The following CCDC15 variants were observed in gnomAD, a reference collection of about 807,000 sequenced individuals.
The protein encoded by CCDC15 is coiled-coil domain-containing protein 15.
In CCDC15, 105 loss-of-function variants were observed where a neutral mutation model predicts 114.5. The ratio of observed to expected loss-of-function variants is 0.92; its 90% CI spans 0.78 to 1.08. The LOEUF (loss-of-function observed/expected upper bound fraction) is 1.08, where lower values mean the gene tolerates loss of function less well. Ranked by LOEUF, CCDC15 falls within the 50% of genes least tolerant of loss-of-function variation. The pLI is 0.00. For missense variants in CCDC15, 1,105 were observed against 1,093.6 expected (o/e 1.01, Z -0.15); for synonymous variants, 334 against 377.8 (o/e 0.88, Z 1.34).
chr11:125,040,273 G>T (rs1948807037), intron 15 of CCDC15, among the ~76,000 whole-genome samples: 1 of 144,836 alleles, frequency 6.9e-6, no homozygotes, highest in South Asian at 2.2e-4. Flanking sequence ...CTGACCTCAA[G>T]TGATCCGCCT....
intron 6 of CCDC15, 147 bp from the exon 7 acceptor site, chr11:124,986,595 A>AT: frequency 1.2e-6 from 1 of 820,354 alleles, no homozygotes; most frequent in Non-Finnish European, 1.8e-6. Context: ...TACTAAAATT[A>AT]TAATAGCAGT....
intron 2 of CCDC15, among the ~76,000 whole-genome samples, chr11:124,955,737 A>G (rs1947537083): frequency 6.6e-6 from 1 of 152,224 alleles, no homozygotes; most frequent in Non-Finnish European, 1.5e-5. Flanking sequence ...AAGAGAAATG[A>G]GATGTGTTTA....
chr11:124,955,843 A>G (rs914628310), intron 2 of CCDC15, among the ~76,000 whole-genome samples: 8 of 152,302 alleles, frequency 5.3e-5, no homozygotes, highest in Admixed American at 5.2e-4. Flanking sequence ...CCTATTTCCA[A>G]AAAGGATTTT....
rs147713265 is a variant in CCDC15 at position 124,962,039 on chromosome 11, CT to C, written c.516+2046del. Among the ~76,000 whole-genome samples, 696 of 149,222 alleles carry C rather than the reference CT, an allele frequency of 4.7e-3. 5 individuals are homozygous for C. Among genetic ancestry groups the C allele is most frequent in the African/African-American group, 0.016 (655 of 40,786 alleles). On this transcript the variant is annotated intron_variant, in intron 4 of 15. Coordinates refer to ENST00000344762, the MANE Select transcript of CCDC15 (RefSeq NM_025004.3). The stretch of plus-strand genomic sequence containing the variant: ...TTAAAGTTTTTATAATACCCCCACA[CT>C]TTTTTTTTTAAAAGGACATGAACTA...
intron 11 of CCDC15, among the ~76,000 whole-genome samples, chr11:124,994,738 A>C (rs1207471008): frequency 6.6e-6 from 1 of 152,168 alleles, no homozygotes; most frequent in Non-Finnish European, 1.5e-5. Context: ...CATTGAGTTA[A>C]GATCTGTAGT....
At chr11:124,974,341 G>A (rs2135456877) in intron 4 of CCDC15, among the ~76,000 whole-genome samples, 1 of 152,244 alleles carries the variant, frequency 6.6e-6, no homozygotes, top group Non-Finnish European at 1.5e-5. Context: ...GATATTCTTT[G>A]CAAATTTGTG....
chr11:125,032,437 A>C (rs1948746102), intron 13 of CCDC15, among the ~76,000 whole-genome samples: 1 of 152,198 alleles, frequency 6.6e-6, no homozygotes. Context: ...CTGCAGTTGA[A>C]GTCACCACTT....
intron 6 of CCDC15, among the ~76,000 whole-genome samples, chr11:124,983,316 T>A (rs1314035174): frequency 6.6e-6 from 1 of 152,186 alleles, no homozygotes; most frequent in African/African-American, 2.4e-5. Flanking sequence ...AGTTAAGAAT[T>A]ATTGTTGGGG....
chr11:125,013,003 G>C (rs1406288619), intron 13 of CCDC15, among the ~76,000 whole-genome samples: 1 of 152,106 alleles, frequency 6.6e-6, no homozygotes, highest in Non-Finnish European at 1.5e-5. Context: ...CTTCTAGTTT[G>C]TTGATAGCAT....
chr11:125,023,049 T>C (rs1376360770), intron 13 of CCDC15, among the ~76,000 whole-genome samples: 1 of 151,896 alleles, frequency 6.6e-6, no homozygotes, highest in African/African-American at 2.4e-5. Flanking sequence ...GTTTGTTCTT[T>C]TATGGAGTGT....
chr11:125,020,612 C>T (rs118130016), intron 13 of CCDC15, among the ~76,000 whole-genome samples: 1 of 152,000 alleles, frequency 6.6e-6, no homozygotes, highest in Non-Finnish European at 1.5e-5. Context: ...AAGCCTGATG[C>T]TAGTTTCAGA....
intron 13 of CCDC15, among the ~76,000 whole-genome samples, chr11:125,033,761 C>A (rs1948757081): frequency 1.3e-5 from 2 of 152,136 alleles, no homozygotes; most frequent in Non-Finnish European, 2.9e-5. Context: ...CTATTAGAAT[C>A]TTTTTTAACT....
intron 11 of CCDC15, among the ~76,000 whole-genome samples, chr11:125,001,432 G>T (rs1465790674): frequency 1.3e-5 from 2 of 152,202 alleles, no homozygotes; most frequent in African/African-American, 4.8e-5. Flanking sequence ...ACCTATTAAA[G>T]TATACAGTAT....
At position 125,005,114 on chromosome 11, in the gene CCDC15, A is replaced by G. The variant is rs772464383; in HGVS notation, c.2313A>G (p.Gln771=). The G allele has an allele frequency of 2.0e-6, 3 of 1,474,352 alleles. No individual in the cohort carries two copies. Among genetic ancestry groups the G allele is most frequent in the Non-Finnish European group, 2.8e-6 (3 of 1,087,166 alleles). The allele number at this position is 1,474,352 out of a possible 1,614,324, so 91.3% of individuals were successfully genotyped here. ...VDKEEDKKER[Q]KQYLRHRRLF... ...TTTTAACTTCTTACCTTTAGCGTCA[A>G]AAGCAGTACCTGAGACATAGACGAC... The change falls in exon 13 of 16, where the codon CAA becomes CAG. Residue 771 remains glutamine (Q), a synonymous_variant. Transcript: ENST00000344762.
At chr11:124,964,941 G>T (rs1236941237) in intron 4 of CCDC15, among the ~76,000 whole-genome samples, 3 of 152,034 alleles carry the variant, frequency 2.0e-5, no homozygotes, top group Non-Finnish European at 2.9e-5. Context: ...GATGGCGTAC[G>T]TTTATTGATT....
chr11:124,995,448 T>C (rs1046041139), intron 11 of CCDC15, among the ~76,000 whole-genome samples: 3 of 152,218 alleles, frequency 2.0e-5, no homozygotes, highest in African/African-American at 7.2e-5. Context: ...TTGTTTACCA[T>C]TGTATGAACA....
rs76171984 is a variant in CCDC15 at position 124,992,587 on chromosome 11, C to T, written c.2039C>T (p.Ala680Val). 8.5e-4 allele frequency: 1,353 copies of T among 1,583,902 alleles called. 9 individuals carry two copies. The African/African-American group carries it at 0.015, about 18-fold the overall frequency. Residue 680 changes from alanine (A) to valine (V), a missense_variant, in exon 10 of 16, where the codon GCA becomes GTA. Ala to Val is a moderately conservative substitution (Grantham distance 64). Coordinates refer to ENST00000344762, the MANE Select transcript of CCDC15 (RefSeq NM_025004.3). ...DQDDIKNQQP[A>V]SFMREERVRE... ...TAAAATATGTTTCTCAAGCAACCTG[C>T]ATCTTTTATGAGAGAAGAAAGAGTG...
chr11:124,971,870 A>G (rs1241237489), intron 4 of CCDC15, among the ~76,000 whole-genome samples: 1 of 152,024 alleles, frequency 6.6e-6, no homozygotes, highest in Admixed American at 6.6e-5. Context: ...AAATTTAGGC[A>G]TTTTTTATTG....
chr11:124,983,450 A>AT lies in CCDC15; in HGVS notation c.754-3281dup, dbSNP rs973344886. ...AGTCTTTGAAGTTGCTATCCTTTGGATTTTTTTTTTTAATCCTCTTTGATG... is the reference window on the plus strand; with the variant it reads ...AGTCTTTGAAGTTGCTATCCTTTGGATTTTTTTTTTTTAATCCTCTTTGATG... On this transcript the variant is annotated intron_variant, in intron 6 of 15. Coordinates refer to ENST00000344762, the MANE Select transcript of CCDC15 (RefSeq NM_025004.3). Among the ~76,000 whole-genome samples the AT allele has an allele frequency of 6.1e-3, 895 of 145,864 alleles. 6 individuals are homozygous for AT. Among genetic ancestry groups the AT allele is most frequent in the African/African-American group, 0.017 (674 of 39,764 alleles).
Sources: gnomAD v4.1 joint callset for allele counts (sites outside exome capture counted in the v4.1 genomes callset) on GRCh38, gnomAD v4.1.1 for gene constraint, MANE v1.5 for transcripts, NCBI Gene and HGNC (gene_info 2026-07-23, HGNC 2026-07-21) for gene names.